The following TRIM14 variants were observed in gnomAD, a reference collection of about 807,000 sequenced individuals.
The protein encoded by TRIM14 is tripartite motif-containing protein 14.
A neutral mutation model predicts 44.5 loss-of-function variants in TRIM14; 28 were observed. The observed-to-expected ratio is 0.63, with a 90% CI of 0.47 to 0.86. The LOEUF (loss-of-function observed/expected upper bound fraction) is 0.86, where lower values mean the gene tolerates loss of function less well. Ranked by LOEUF, TRIM14 falls within the 40% of genes least tolerant of loss-of-function variation. The pLI is 0.00. For synonymous variants in TRIM14, 299 were observed against 269.2 expected (o/e 1.11, Z -1.08); for missense variants, 607 against 611.1 (o/e 0.99, Z 0.07).
chr9:98,063,320 C>T, the TRIM14 span, among the ~76,000 whole-genome samples: 6 of 152,138 alleles, frequency 3.9e-5, no homozygotes, highest in African/African-American at 1.4e-4. Context: ...CAGCTCACTG[C>T]AACCTCTGCC....
chr9:98,119,086 A>G lies in TRIM14; in HGVS notation c.103T>C (p.Phe35Leu), dbSNP rs1291070654. The G allele has an allele frequency of 2.5e-6, 4 of 1,585,494 alleles. No homozygotes were observed. In the Admixed American group the frequency reaches 6.8e-5, roughly 27 times the overall value. ...ACGCAGCGGCGGCAGCGGCGACAGA[A>G]GAGCTCAGCCACGCGGTCGCCATGC... ...PEHGDRVAEL[F>L]CRRCRRCVCA... The change falls in exon 1 of 6, where the codon TTC becomes CTC. Residue 35 changes from phenylalanine to leucine, a missense_variant. Coordinates refer to ENST00000341469, the MANE Select transcript of TRIM14 (RefSeq NM_014788.4).
the TRIM14 span, among the ~76,000 whole-genome samples, chr9:98,036,818 A>G: frequency 6.6e-6 from 1 of 152,190 alleles, no homozygotes; most frequent in African/African-American, 2.4e-5. Flanking sequence ...AAAACAAAAC[A>G]AAACAAAAAG....
At chr9:98,117,210 C>T (rs948640074) in intron 1 of TRIM14, among the ~76,000 whole-genome samples, 7 of 152,138 alleles carry the variant, frequency 4.6e-5, no homozygotes, top group African/African-American at 9.6e-5. Context: ...GGATTTTCTT[C>T]GTGATGTTTT....
chr9:98,036,875 G>A, the TRIM14 span, among the ~76,000 whole-genome samples: 1 of 152,210 alleles, frequency 6.6e-6, no homozygotes. Context: ...TCCATGCCCT[G>A]ATCCCCTGGC....
chr9:98,084,146 C>T (rs112063914), downstream of TRIM14, among the ~76,000 whole-genome samples: 1,444 of 151,950 alleles, frequency 9.5e-3, 21 homozygotes, highest in African/African-American at 0.033. Flanking sequence ...CAAGGGACCT[C>T]AAGAGACAGA....
the TRIM14 span, among the ~76,000 whole-genome samples, chr9:98,052,675 T>C: frequency 6.6e-6 from 1 of 152,142 alleles, no homozygotes; most frequent in African/African-American, 2.4e-5. Context: ...GCCTGCCTAA[T>C]TTTATATTTT....
At chr9:98,096,445 G>T (rs943915892) in intron 3 of TRIM14, among the ~76,000 whole-genome samples, 1 of 152,154 alleles carries the variant, frequency 6.6e-6, no homozygotes, top group East Asian at 1.9e-4. Flanking sequence ...AGGATGAGGG[G>T]TCGATAGAGG....
the TRIM14 span, chr9:98,060,696 T>A: frequency 8.6e-7 from 1 of 1,158,250 alleles, no homozygotes; most frequent in Non-Finnish European, 1.3e-6. Context: ...ATAAAGATGG[T>A]GATGTCATAG....
In TRIM14 at chr9:98,119,043, A is replaced by G; in HGVS notation, c.146T>C (p.Val49Ala). The change falls in exon 1 of 6, where the codon GTG becomes GCG. Residue 49 changes from valine (V) to alanine (A), a missense_variant. Val to Ala is a moderately conservative substitution (Grantham distance 64, BLOSUM62 0). This residue lies in a region of TRIM14 where 246 missense variants were observed against 270.8 expected (regional missense o/e 0.91). Transcript: ENST00000341469. ...AGGGTGGCCACGGTGCGCGCCCAGC[A>G]CCGGGCAAAGCGCGCACACGCAGCG... ...CRRCVCALCP[V>A]LGAHRGHPVG... The G allele has an allele frequency of 5.1e-6, 8 of 1,578,128 alleles. No individual in the cohort carries two copies. Among genetic ancestry groups the G allele is most frequent in the Non-Finnish European group, 6.0e-6 (7 of 1,171,702 alleles).
the TRIM14 span, among the ~76,000 whole-genome samples, chr9:98,054,664 A>G: frequency 1.3e-5 from 2 of 152,302 alleles, no homozygotes; most frequent in African/African-American, 2.4e-5. Flanking sequence ...CAATTTCTCT[A>G]TTGCAAAGTG....
intron 2 of TRIM14, among the ~76,000 whole-genome samples, chr9:98,101,234 C>CA (rs1334829302): frequency 6.6e-6 from 1 of 152,022 alleles, no homozygotes; most frequent in African/African-American, 2.4e-5. Context: ...CTCAGCCTCC[C>CA]AAAATGCTGA....
At chr9:98,058,362 T>G in the TRIM14 span, among the ~76,000 whole-genome samples, 47 of 152,316 alleles carry the variant, frequency 3.1e-4, 1 homozygote, top group African/African-American at 1.1e-3. Flanking sequence ...TCTCATTTAA[T>G]TTTTACAACA....
At chr9:98,054,055 G>A in the TRIM14 span, among the ~76,000 whole-genome samples, 1 of 152,156 alleles carries the variant, frequency 6.6e-6, no homozygotes, top group Non-Finnish European at 1.5e-5. Context: ...ATCCACTCAA[G>A]GTGGGGAGGG....
chr9:98,040,315 G>A, the TRIM14 span, among the ~76,000 whole-genome samples: 6 of 151,978 alleles, frequency 3.9e-5, no homozygotes, highest in African/African-American at 1.5e-4. Flanking sequence ...ACTCCCCTTT[G>A]CCACCAAATC....
At chr9:98,036,475 T>C in the TRIM14 span, among the ~76,000 whole-genome samples, 4 of 126,770 alleles carry the variant, frequency 3.2e-5, no homozygotes, top group East Asian at 6.9e-4. Flanking sequence ...CACTCCAACC[T>C]GGGTGACAGA....
At chr9:98,060,353 G>A in the TRIM14 span, among the ~76,000 whole-genome samples, 2 of 152,080 alleles carry the variant, frequency 1.3e-5, no homozygotes, top group Non-Finnish European at 2.9e-5. Context: ...TAAGGTCTCT[G>A]TCAGTCTATG....
At chr9:98,075,695 TCAAAA>T (rs1235686462) in intron 6 of TRIM14, 3 of 152,130 alleles carry the variant, frequency 2.0e-5, no homozygotes, top group African/African-American at 7.2e-5. Flanking sequence ...ATTTCCAACT[TCAAAA>T]CAAAACAAAG....
chr9:98,105,737 A>G (rs570467346), intron 2 of TRIM14, among the ~76,000 whole-genome samples: 19 of 152,302 alleles, frequency 1.2e-4, no homozygotes, highest in South Asian at 4.1e-4. Flanking sequence ...GAAAGCCACA[A>G]TGGGGCCTGG....
At chr9:98,118,881 C>A (rs952507067) in intron 1 of TRIM14, 101 bp downstream of exon 1, 3 of 1,322,680 alleles carry the variant, frequency 2.3e-6, no homozygotes, top group Non-Finnish European at 3.0e-6. Flanking sequence ...CAGGTTGTAA[C>A]CCGCCACTGG....
Sources: allele counts gnomAD v4.1 joint callset (sites outside exome capture counted in the v4.1 genomes callset), GRCh38; gene constraint gnomAD v4.1.1; regional missense constraint gnomAD v4.1.1; transcripts MANE v1.5; gene names NCBI Gene and HGNC (gene_info 2026-07-23, HGNC 2026-07-21).